The following SOX6 variants were observed in gnomAD, a reference collection of about 807,000 sequenced individuals.
The protein encoded by SOX6 is SRY-box transcription factor 6, also known as transcription factor SOX-6.
A neutral mutation model predicts 97.8 loss-of-function variants in SOX6; 11 were observed. That is an observed-to-expected ratio of 0.11 (90% CI 0.07 to 0.19). SOX6 has a LOEUF of 0.19. Among genes scored for constraint, SOX6 ranks in the 10% least tolerant of loss-of-function variants. The pLI, the probability that SOX6 is intolerant of heterozygous loss-of-function variation, is 1.00. For missense variants in SOX6, 810 were observed against 1,039.5 expected (o/e 0.78, Z 3.04); for synonymous variants, 360 against 371.4 (o/e 0.97, Z 0.35).
At chr11:16,624,108 CT>C (rs1413244915) in intron 3 of SOX6, among the ~76,000 whole-genome samples, 4 of 152,094 alleles carry the variant, frequency 2.6e-5, no homozygotes, top group African/African-American at 7.2e-5. Flanking sequence ...TTGAATATAG[CT>C]TTGTTTACTC....
chr11:16,540,710 TC>T (rs1438992393), intron 4 of SOX6, among the ~76,000 whole-genome samples: 1 of 152,090 alleles, frequency 6.6e-6, no homozygotes, highest in Non-Finnish European at 1.5e-5. Context: ...ATGAGTGAAC[TC>T]CCATTCACAA....
chr11:16,579,684 T>G (rs72859478), intron 4 of SOX6, among the ~76,000 whole-genome samples: 13,852 of 152,144 alleles, frequency 0.091, 800 homozygotes, highest in Non-Finnish European at 0.14. Context: ...CCACAATTAA[T>G]GTACTCTCCT....
intron 2 of SOX6, among the ~76,000 whole-genome samples, chr11:16,321,511 C>A (rs866315572): frequency 1.3e-5 from 2 of 152,014 alleles, no homozygotes; most frequent in Non-Finnish European, 2.9e-5. Flanking sequence ...TAATGCCAAA[C>A]AATCTTATTT....
At chr11:16,707,627 T>C (rs1486695456) in intron 3 of SOX6, among the ~76,000 whole-genome samples, 1 of 152,218 alleles carries the variant, frequency 6.6e-6, no homozygotes, top group Non-Finnish European at 1.5e-5. Flanking sequence ...CACTTCTGTA[T>C]TCCAGGACTT....
At position 16,585,681 on chromosome 11, in the gene SOX6, C is replaced by CTTTT. The variant is rs35531411; in HGVS notation, n.609+26396_609+26399dup. Among the ~76,000 whole-genome samples the CTTTT allele has an allele frequency of 2.1e-3, 225 of 108,310 alleles. 1 individual carries two copies. Among genetic ancestry groups the CTTTT allele is most frequent in the Middle Eastern group, 5.7e-3 (1 of 176 alleles). The allele number at this position is 108,310 out of a possible 152,430, so 71.1% of individuals were successfully genotyped here. A position where few individuals can be genotyped will look rare whatever the true frequency, so the allele number is the denominator to read the frequency against. ...TCAACGGAGAATTTTTTTTTTTTTA[C>CTTTT]TTTTTTTTTTTTTTTTTTTGAGACA... On this transcript the variant is annotated intron_variant and non_coding_transcript_variant, in intron 4 of 5. Coordinates refer to the SOX6 transcript ENST00000524520.
intron 4 of SOX6, among the ~76,000 whole-genome samples, chr11:16,600,458 G>A (rs1356551845): frequency 6.6e-6 from 1 of 152,108 alleles, no homozygotes; most frequent in Non-Finnish European, 1.5e-5. Flanking sequence ...CTTCTCTGAG[G>A]TTTTAGGGTT....
At chr11:16,558,980 G>A (rs1004746474) in intron 4 of SOX6, among the ~76,000 whole-genome samples, 2 of 151,978 alleles carry the variant, frequency 1.3e-5, no homozygotes, top group East Asian at 3.9e-4. Context: ...GAAGATTAAT[G>A]AAATTCACAA....
chr11:16,523,160 C>T (rs771478252), intron 4 of SOX6, among the ~76,000 whole-genome samples: 9 of 146,832 alleles, frequency 6.1e-5, no homozygotes, highest in Non-Finnish European at 1.2e-4. Context: ...CTCTCCATCC[C>T]AAATCAACAG....
chr11:16,508,052 C>A lies in SOX6; in HGVS notation n.610-31664G>T, dbSNP rs1399589883. ...ACTCAACTATTAAAAAAAAGGACAA[C>A]TAATTCTATTAAAAAGTAGGCAAAG... On this transcript the variant is annotated intron_variant and non_coding_transcript_variant, in intron 4 of 5. Transcript: ENST00000524520. Among the ~76,000 whole-genome samples the A allele has an allele frequency of 2.0e-5, 3 of 151,852 alleles. No individual in the cohort carries two copies. The East Asian group carries it at 5.8e-4, about 29-fold the overall frequency.
rs185730873 is a variant in SOX6, at chr11:16,566,678, A to G, written n.609+45403T>C. ...CGGCTATAATGTTTTTTAATGGAAAATAAGTGTTTGCAAGAATGTAGAGAA... is the reference window on the plus strand; with the variant it reads ...CGGCTATAATGTTTTTTAATGGAAAGTAAGTGTTTGCAAGAATGTAGAGAA... On this transcript the variant is annotated intron_variant and non_coding_transcript_variant, in intron 4 of 5. Coordinates refer to the SOX6 transcript ENST00000524520. Among the ~76,000 whole-genome samples, 593 of 152,350 alleles carry G rather than the reference A, an allele frequency of 3.9e-3. 3 individuals carry two copies. The highest frequency in any genetic ancestry group is 0.014 in the African/African-American group (574 of 41,590).
At chr11:16,084,837 CAT>C (rs1468025411) in intron 9 of SOX6, among the ~76,000 whole-genome samples, 5 of 151,502 alleles carry the variant, frequency 3.3e-5, no homozygotes, top group African/African-American at 1.2e-4. Context: ...AATAGAGTTT[CAT>C]TAATCAGGAA....
intron 6 of SOX6, among the ~76,000 whole-genome samples, chr11:16,141,859 C>T (rs1053720717): frequency 1.3e-5 from 2 of 152,138 alleles, no homozygotes; most frequent in Non-Finnish European, 2.9e-5. Context: ...GGCCAGGAAG[C>T]TCGAACTGGG....
chr11:16,086,843 T>A (rs1392422571), intron 9 of SOX6, among the ~76,000 whole-genome samples: 1 of 152,226 alleles, frequency 6.6e-6, no homozygotes, highest in African/African-American at 2.4e-5. Context: ...ATTTGAAAAA[T>A]ACGTGAACTC....
chr11:15,971,070 C>T lies in SOX6; in HGVS notation c.*1739G>A, dbSNP rs550700047. 1.3e-5 allele frequency: 2 copies of T among 152,484 alleles called. No homozygotes were observed. The highest frequency in any genetic ancestry group is 3.9e-4 in the East Asian group (2 of 5,184). The allele number at this position is 152,484 out of a possible 1,614,324, so 9.4% of individuals were successfully genotyped here. ...TGTGATAAGTGCAGTTCATTTTGTTCACACGTAGGCAGGTCCCCATGTGGC... is the reference window on the plus strand; with the variant it reads ...TGTGATAAGTGCAGTTCATTTTGTTTACACGTAGGCAGGTCCCCATGTGGC... On this transcript the variant is annotated 3_prime_UTR_variant, in exon 16 of 16. Coordinates refer to ENST00000683767, the MANE Select transcript of SOX6 (RefSeq NM_001367873.1).
chr11:16,664,347 A>G (rs1847789251), intron 3 of SOX6, among the ~76,000 whole-genome samples: 1 of 152,190 alleles, frequency 6.6e-6, no homozygotes, highest in Non-Finnish European at 1.5e-5. Flanking sequence ...CCCCTGGCAC[A>G]GGCCACAAGG....
At chr11:16,150,957 G>T (rs1850443560) in intron 6 of SOX6, among the ~76,000 whole-genome samples, 1 of 152,088 alleles carries the variant, frequency 6.6e-6, no homozygotes, top group African/African-American at 2.4e-5. Flanking sequence ...TTGGGTCACT[G>T]CTTCTTTTAT....
intron 1 of SOX6, among the ~76,000 whole-genome samples, chr11:16,391,847 C>A (rs1383755589): frequency 6.6e-6 from 1 of 151,966 alleles, no homozygotes. Context: ...ATTTTTATAA[C>A]TCTACCAAGT....
intron 6 of SOX6, among the ~76,000 whole-genome samples, chr11:16,165,975 C>T (rs913395665): frequency 6.6e-6 from 1 of 151,290 alleles, no homozygotes; most frequent in African/African-American, 2.4e-5. Context: ...TATAAAAGTC[C>T]CTAGTATATA....
chr11:16,408,475 A>T (rs1590192020), intron 1 of SOX6, among the ~76,000 whole-genome samples: 1 of 152,206 alleles, frequency 6.6e-6, no homozygotes, highest in African/African-American at 2.4e-5. Flanking sequence ...CTCATCTGGT[A>T]CATAGTATGT....
Sources: allele counts gnomAD v4.1 joint callset (sites outside exome capture counted in the v4.1 genomes callset), GRCh38; gene constraint gnomAD v4.1.1; transcripts MANE v1.5; gene names NCBI Gene and HGNC (gene_info 2026-07-23, HGNC 2026-07-21).